TENM4: variants seen among roughly 807,000 people sequenced by gnomAD.
The protein encoded by TENM4 is teneurin transmembrane protein 4.
Under a neutral mutation model 243.3 loss-of-function variants are expected in TENM4, and 82 were observed. That is an observed-to-expected ratio of 0.34 (90% CI 0.28 to 0.40). TENM4 has a LOEUF of 0.40. Among genes scored for constraint, TENM4 ranks in the 10% least tolerant of loss-of-function variants. The probability of loss-of-function intolerance (pLI) is 1.00; values close to 1 mark genes in which losing one functional copy is unlikely to be tolerated. For missense variants in TENM4, 3,138 were observed against 3,673.3 expected (o/e 0.85, Z 3.77); for synonymous variants, 1,412 against 1,456.3 (o/e 0.97, Z 0.69).
chr11:79,225,973 CA>C (rs1565258232), intron 2 of TENM4, among the ~76,000 whole-genome samples: 1 of 152,158 alleles, frequency 6.6e-6, no homozygotes, highest in Non-Finnish European at 1.5e-5. Context: ...CAAACAGGCC[CA>C]CTGCTTCTAA....
At chr11:79,308,616 T>A (rs1399078262) in intron 1 of TENM4, among the ~76,000 whole-genome samples, 1 of 152,210 alleles carries the variant, frequency 6.6e-6, no homozygotes, top group Non-Finnish European at 1.5e-5. Flanking sequence ...CAACCTCTAA[T>A]TGACAGCAGT....
chr11:79,430,615 T>C (rs1043616062), intron 1 of TENM4, among the ~76,000 whole-genome samples: 1 of 152,356 alleles, frequency 6.6e-6, no homozygotes, highest in Non-Finnish European at 1.5e-5. Flanking sequence ...ATGTGCCAGA[T>C]GTCCCACTGA....
At chr11:78,994,839 T>A (rs1858132219) in intron 6 of TENM4, among the ~76,000 whole-genome samples, 1 of 152,034 alleles carries the variant, frequency 6.6e-6, no homozygotes, top group African/African-American at 2.4e-5. Flanking sequence ...CCTAATGGAG[T>A]TTATAGCTTG....
chr11:79,399,112 A>G (rs1461912012), intron 1 of TENM4, among the ~76,000 whole-genome samples: 1 of 152,228 alleles, frequency 6.6e-6, no homozygotes, highest in Non-Finnish European at 1.5e-5. Flanking sequence ...TTCCATAGGC[A>G]GAAACATAAA....
chr11:79,097,296 T>C (rs546086035), intron 4 of TENM4: 2 of 152,246 alleles, frequency 1.3e-5, no homozygotes, highest in African/African-American at 4.8e-5. Context: ...TCCTTGGTTA[T>C]GTTTTCTATT....
intron 31 of TENM4, among the ~76,000 whole-genome samples, chr11:78,670,762 T>TTAGC (rs1858303616): frequency 6.6e-6 from 1 of 152,190 alleles, no homozygotes; most frequent in African/African-American, 2.4e-5. Context: ...TGAGGCTTTC[T>TTAGC]CTCAGCCTCA....
chr11:78,984,402 G>A (rs765875471), intron 6 of TENM4, among the ~76,000 whole-genome samples: 6 of 152,180 alleles, frequency 3.9e-5, no homozygotes, highest in Non-Finnish European at 7.4e-5. Context: ...CCCCTCCGAG[G>A]TGTCAGTGAG....
At chr11:79,095,153 C>G (rs1408776059) in intron 4 of TENM4, among the ~76,000 whole-genome samples, 1 of 152,132 alleles carries the variant, frequency 6.6e-6, no homozygotes, top group Non-Finnish European at 1.5e-5. Flanking sequence ...AGGCTGCAGT[C>G]AGGAAGCTCT....
intron 4 of TENM4, among the ~76,000 whole-genome samples, chr11:79,137,594 C>T (rs890396890): frequency 2.6e-5 from 4 of 152,124 alleles, no homozygotes; most frequent in East Asian, 1.9e-4. Flanking sequence ...GACCAGCTGC[C>T]GAAATGAGGA....
At chr11:78,720,579 A>G (rs1231159157) in intron 24 of TENM4, among the ~76,000 whole-genome samples, 189 bp from the exon 25 acceptor site, 1 of 152,228 alleles carries the variant, frequency 6.6e-6, no homozygotes, top group Non-Finnish European at 1.5e-5. Context: ...GTTCACTTAC[A>G]AGCAGCTACA....
chr11:78,841,217 ATC>A, intron 12 of TENM4, among the ~76,000 whole-genome samples: 1 of 152,310 alleles, frequency 6.6e-6, no homozygotes, highest in East Asian at 1.9e-4. Flanking sequence ...CTGATGGGTT[ATC>A]TTTCTTGCCC....
At position 78,704,157 on chromosome 11, in the gene TENM4, G is replaced by GTGTATATATA. The variant is rs1201390547; in HGVS notation, c.4210-1755_4210-1754insTATATATACA. 7.2e-3 allele frequency among the ~76,000 whole-genome samples: 505 copies of GTGTATATATA among 70,476 alleles called. 14 individuals carry two copies. Among genetic ancestry groups the GTGTATATATA allele is most frequent in the African/African-American group, 0.029 (481 of 16,640 alleles). The allele number at this position is 70,476 out of a possible 152,430, so 46.2% of individuals were successfully genotyped here. A position where few individuals can be genotyped will look rare whatever the true frequency, so the allele number is the denominator to read the frequency against. On this transcript the variant is annotated intron_variant, in intron 27 of 33. Transcript: ENST00000278550. ...TGTATGTCTATGTGTATGTATGTGTGTCTATATATATATATATATATATAT... is the reference window on the plus strand; with the variant it reads ...TGTATGTCTATGTGTATGTATGTGTGTGTATATATATCTATATATATATATATATATATAT...
At chr11:78,906,784 A>G (rs187771763) in intron 6 of TENM4, among the ~76,000 whole-genome samples, 2 of 152,092 alleles carry the variant, frequency 1.3e-5, no homozygotes, top group African/African-American at 4.8e-5. Flanking sequence ...TGATGTCCAC[A>G]TGTTGCCTCC....
chr11:79,394,602 G>GA (rs1189138473), intron 1 of TENM4, among the ~76,000 whole-genome samples: 1 of 151,832 alleles, frequency 6.6e-6, no homozygotes, highest in East Asian at 1.9e-4. Context: ...GAACTACTGA[G>GA]AGTTGAATCA....
chr11:79,191,459 CG>C (rs1863488292), intron 3 of TENM4: 1 of 151,852 alleles, frequency 6.6e-6, no homozygotes. Context: ...AGTGCAGTGG[CG>C]TGATCTCGGC....
intron 6 of TENM4, among the ~76,000 whole-genome samples, chr11:78,969,621 C>A (rs1422734256): frequency 1.3e-5 from 2 of 152,182 alleles, no homozygotes; most frequent in Non-Finnish European, 2.9e-5. Flanking sequence ...CAAATGGAAT[C>A]TTATTGGTCT....
intron 6 of TENM4, among the ~76,000 whole-genome samples, chr11:78,965,546 A>G (rs1486560366): frequency 6.6e-6 from 1 of 152,224 alleles, no homozygotes; most frequent in Admixed American, 6.5e-5. Flanking sequence ...GGTGTTTGTT[A>G]CAGCCTCTTC....
At chr11:79,167,103 A>G (rs1862931057) in intron 3 of TENM4, among the ~76,000 whole-genome samples, 1 of 151,800 alleles carries the variant, frequency 6.6e-6, no homozygotes, top group Non-Finnish European at 1.5e-5. Flanking sequence ...GTCTGGGGAG[A>G]GGCGGTTCAG....
chr11:79,384,174 A>T (rs1013330351), intron 1 of TENM4, among the ~76,000 whole-genome samples: 2 of 152,248 alleles, frequency 1.3e-5, no homozygotes, highest in Non-Finnish European at 2.9e-5. Flanking sequence ...AGGAATGAAT[A>T]GAAACTGAAC....
Sources: allele counts gnomAD v4.1 joint callset (sites outside exome capture counted in the v4.1 genomes callset), GRCh38; gene constraint gnomAD v4.1.1; transcripts MANE v1.5; gene names NCBI Gene and HGNC (gene_info 2026-07-23, HGNC 2026-07-21).